Variants in SLCO4C1 observed in about 807,000 individuals in gnomAD.
SLCO4C1 encodes organic anion transporter M1.
Under a neutral mutation model 72.1 loss-of-function variants are expected in SLCO4C1, and 58 were observed. That is an observed-to-expected ratio of 0.80 (90% CI 0.65 to 1.00). SLCO4C1 has a LOEUF of 1.00. Ranked by LOEUF, SLCO4C1 falls within the 50% of genes least tolerant of loss-of-function variation. The pLI is 0.00. For missense variants in SLCO4C1, 898 were observed against 857.9 expected, an observed-to-expected ratio of 1.05 and a Z score of -0.58; for synonymous variants, 297 against 312.5, an observed-to-expected ratio of 0.95 and a Z score of 0.52.
intron 2 of SLCO4C1, among the ~76,000 whole-genome samples, chr5:102,278,002 A>G (rs1450596878): frequency 6.6e-6 from 1 of 152,182 alleles, no homozygotes; most frequent in Non-Finnish European, 1.5e-5. Context: ...GTACAGGTTT[A>G]AACTTTAACA....
chr5:102,257,375 T>C (rs1748856808), intron 7 of SLCO4C1, 65 bp from the exon 8 acceptor site: 4 of 1,270,072 alleles, frequency 3.1e-6, no homozygotes, highest in Non-Finnish European at 4.2e-6. Flanking sequence ...TACTGACAAC[T>C]GGAAAACATC....
intron 10 of SLCO4C1, among the ~76,000 whole-genome samples, chr5:102,244,869 C>T (rs1460036078): frequency 1.3e-5 from 2 of 152,082 alleles, no homozygotes; most frequent in East Asian, 3.9e-4. Flanking sequence ...AATGCCAGGC[C>T]TGTCCTATAA....
rs748787556 is a variant in SLCO4C1, at chr5:102,235,675, G to A, written c.*1183C>T. 6.6e-6 allele frequency: 1 copy of A among 152,298 alleles called. No homozygotes were observed. Among genetic ancestry groups the A allele is most frequent in the Non-Finnish European group, 1.5e-5 (1 of 68,096 alleles). 9.4% of individuals were successfully genotyped at this position (152,298 alleles called of 1,614,324 possible). A position where few individuals can be genotyped will look rare whatever the true frequency, so the allele number is the denominator to read the frequency against. On this transcript the variant is annotated 3_prime_UTR_variant, in exon 13 of 13. Coordinates refer to ENST00000310954, the MANE Select transcript of SLCO4C1 (RefSeq NM_180991.5). Reference sequence around the variant, plus strand: ...AGCTCCACCTCTTGTTAGATCAGTAGTGGCATTAGATTCTCATAGGAGTGC... The same window carrying A: ...AGCTCCACCTCTTGTTAGATCAGTAATGGCATTAGATTCTCATAGGAGTGC...
rs769113257 is a variant in SLCO4C1 at position 102,296,165 on chromosome 5, G to A, written c.98C>T (p.Ser33Phe). ...TCTTTGGGGGTCAGAGGACAAGGCAGAGACTTCGATTTGGGAGGGCGACGC... is the reference window on the plus strand; with the variant it reads ...TCTTTGGGGGTCAGAGGACAAGGCAAAGACTTCGATTTGGGAGGGCGACGC... ...LSASPSQIEV[S>F]ALSSDPQREN... Residue 33 changes from serine (S) to phenylalanine (F), a missense_variant, in exon 1 of 13, where the codon TCT becomes TTT. Transcript: ENST00000310954. 1 of 1,611,348 alleles carries A rather than the reference G, an allele frequency of 6.2e-7. No homozygotes were observed. The highest frequency in any genetic ancestry group is 2.2e-5 in the East Asian group (1 of 44,806).
intron 10 of SLCO4C1, among the ~76,000 whole-genome samples, chr5:102,243,344 A>C (rs1010577773): frequency 1.3e-5 from 2 of 152,176 alleles, no homozygotes; most frequent in African/African-American, 4.8e-5. Context: ...CAGGTCCTTA[A>C]GCAAACAGAA....
chr5:102,275,825 T>G (rs891650626), intron 2 of SLCO4C1, among the ~76,000 whole-genome samples: 1 of 152,212 alleles, frequency 6.6e-6, no homozygotes, highest in African/African-American at 2.4e-5. Flanking sequence ...AGTTTTTTCT[T>G]CATTAATGTC....
In SLCO4C1 at chr5:102,247,537, A is replaced by G; in HGVS notation, c.1621-95T>C. 8 of 804,110 alleles carry G rather than the reference A, an allele frequency of 9.9e-6. No homozygotes were observed. The South Asian group carries it at 1.5e-4, about 15-fold the overall frequency. The allele number at this position is 804,110 out of a possible 1,614,324, so 49.8% of individuals were successfully genotyped here. A position where few individuals can be genotyped will look rare whatever the true frequency, so the allele number is the denominator to read the frequency against. ...CTCTAGACATGGCAAACACTCTCAT[A>G]CTGTCTTAATCCATATTCAACAAAT... On this transcript the variant is annotated intron_variant, in intron 9 of 12. Coordinates refer to ENST00000310954, the MANE Select transcript of SLCO4C1 (RefSeq NM_180991.5).
At chr5:102,262,487 C>T (rs1339555683) in intron 4 of SLCO4C1, among the ~76,000 whole-genome samples, 3 of 152,056 alleles carry the variant, frequency 2.0e-5, no homozygotes, top group African/African-American at 7.2e-5. Context: ...CTATTTATTT[C>T]TTTGAAACAG....
At chr5:102,278,688 A>G (rs982638094) in intron 2 of SLCO4C1, among the ~76,000 whole-genome samples, 1 of 152,240 alleles carries the variant, frequency 6.6e-6, no homozygotes, top group Admixed American at 6.5e-5. Flanking sequence ...AAATGATAAC[A>G]AAAATATCTC....
At position 102,236,731 on chromosome 5, in the gene SLCO4C1, A is replaced by G; in HGVS notation, c.*127T>C. 2 of 1,074,808 alleles carry G rather than the reference A, an allele frequency of 1.9e-6. No individual in the cohort carries two copies. The highest frequency in any genetic ancestry group is 2.7e-6 in the Non-Finnish European group (2 of 750,474). The allele number at this position is 1,074,808 out of a possible 1,614,324, so 66.6% of individuals were successfully genotyped here. A position where few individuals can be genotyped will look rare whatever the true frequency, so the allele number is the denominator to read the frequency against. The stretch of plus-strand genomic sequence containing the variant: ...CTACATAAGTAAAAAAATACATTTG[A>G]TTATAAAAACATCAATTTTGTAAAT... On this transcript the variant is annotated 3_prime_UTR_variant, in exon 13 of 13. Transcript: ENST00000310954.
rs968518128 is a variant in SLCO4C1 at position 102,239,131 on chromosome 5, T to C, written c.2014+120A>G. On this transcript the variant is annotated intron_variant, in intron 12 of 12. Coordinates refer to ENST00000310954, the MANE Select transcript of SLCO4C1 (RefSeq NM_180991.5). The stretch of plus-strand genomic sequence containing the variant: ...TCTCTGCTTCAGGAAGACTACTGGA[T>C]GGTTCAACAATGTGGACTGAACATT... 5 of 826,214 alleles carry C rather than the reference T, an allele frequency of 6.1e-6. 1 individual carries two copies. The Admixed American group carries it at 1.4e-4, about 23-fold the overall frequency. The allele number at this position is 826,214 out of a possible 1,614,324, so 51.2% of individuals were successfully genotyped here. A position where few individuals can be genotyped will look rare whatever the true frequency, so the allele number is the denominator to read the frequency against.
intron 3 of SLCO4C1, among the ~76,000 whole-genome samples, chr5:102,268,484 T>G (rs983715344): frequency 6.6e-6 from 1 of 152,164 alleles, no homozygotes; most frequent in Non-Finnish European, 1.5e-5. Context: ...TCAGTCTAAG[T>G]GTGTCTTTAC....
At chr5:102,245,677 C>G (rs894493409) in intron 10 of SLCO4C1, among the ~76,000 whole-genome samples, 1 of 152,252 alleles carries the variant, frequency 6.6e-6, no homozygotes, top group East Asian at 1.9e-4. Context: ...TTAATCTGTA[C>G]TATAGACCAA....
At chr5:102,278,646 C>G (rs1420217331) in intron 2 of SLCO4C1, among the ~76,000 whole-genome samples, 1 of 152,002 alleles carries the variant, frequency 6.6e-6, no homozygotes, top group Non-Finnish European at 1.5e-5. Flanking sequence ...TGTTTTCTGA[C>G]TACAATGGAA....
chr5:102,291,742 C>A (rs1209395505), intron 1 of SLCO4C1, 136 bp from the exon 2 acceptor site: 13 of 591,228 alleles, frequency 2.2e-5, no homozygotes, highest in Non-Finnish European at 2.9e-5. Context: ...CTCAAAGTTT[C>A]AAAGTTAGGC....
intron 3 of SLCO4C1, among the ~76,000 whole-genome samples, chr5:102,268,030 T>C (rs1163413454): frequency 1.3e-5 from 2 of 152,146 alleles, no homozygotes; most frequent in Non-Finnish European, 2.9e-5. Context: ...CTGGAGAATG[T>C]TCCATGTGCT....
intron 8 of SLCO4C1, among the ~76,000 whole-genome samples, chr5:102,254,686 T>C (rs1301880042): frequency 1.3e-5 from 2 of 150,738 alleles, no homozygotes; most frequent in Non-Finnish European, 1.5e-5. Context: ...ATTGTCAGCA[T>C]GTTTCAGCAA....
chr5:102,239,631 T>C (rs556988718), intron 11 of SLCO4C1, among the ~76,000 whole-genome samples: 48 of 152,156 alleles, frequency 3.2e-4, no homozygotes, highest in African/African-American at 1.1e-3. Context: ...AAATATCCAA[T>C]ATATATTGGG....
intron 11 of SLCO4C1, among the ~76,000 whole-genome samples, chr5:102,239,961 A>G (rs549995983): frequency 2.6e-5 from 4 of 152,166 alleles, no homozygotes; most frequent in African/African-American, 9.6e-5. Flanking sequence ...AGAAACTTCC[A>G]ATTATTTGAG....
Sources: gnomAD v4.1 joint callset for allele counts (sites outside exome capture counted in the v4.1 genomes callset) on GRCh38, gnomAD v4.1.1 for gene constraint, MANE v1.5 for transcripts, NCBI Gene and HGNC (gene_info 2026-07-23, HGNC 2026-07-21) for gene names.